The following SH3TC2 variants were observed in gnomAD, a reference collection of about 807,000 sequenced individuals.
SH3TC2 encodes SH3 domain and tetratricopeptide repeats 2, also known as SH3 domain and tetratricopeptide repeat-containing protein 2.
A neutral mutation model predicts 124.5 loss-of-function variants in SH3TC2; 87 were observed. That is an observed-to-expected ratio of 0.70 (90% CI 0.59 to 0.84). The LOEUF is 0.84. SH3TC2 is among the 40% of genes least tolerant of loss of function. The probability of loss-of-function intolerance (pLI) is 0.00; values close to 1 mark genes in which losing one functional copy is unlikely to be tolerated. For synonymous variants in SH3TC2, 634 were observed against 628.5 expected (o/e 1.01, Z -0.13); for missense variants, 1,536 against 1,566.4 (o/e 0.98, Z 0.33).
chr5:149,026,605 AG>A lies in SH3TC2; in HGVS notation c.3019del (p.Leu1007TrpfsTer8). ...REMEGRLLESLGQLYRNLNTA... is the reference protein window; with the variant it reads ...REMEGRLLESXGQLYRNLNTA... ...ATTTAGGTTCCGATAAAGCTGCCCCAGGGACTCCAGCAGCCTCCCTTCCATC... is the reference window on the plus strand; with the variant it reads ...ATTTAGGTTCCGATAAAGCTGCCCCAGGACTCCAGCAGCCTCCCTTCCATC... On this transcript the variant is annotated frameshift_variant, in exon 12 of 17. Transcript: ENST00000515425. LOFTEE classifies it high-confidence loss of function. The A allele has an allele frequency of 6.2e-7, 1 of 1,614,192 alleles. No homozygotes were observed. The highest frequency in any genetic ancestry group is 8.5e-7 in the Non-Finnish European group (1 of 1,180,042).
rs1554121665 is a variant in SH3TC2, at chr5:149,027,754, G to A, written c.1978C>T (p.Gln660Ter). ...EEVLPFAERL[Q>*]LLSGHPPASE... ...GCAGGAGGGTGTCCAGAGAGGAGCT[G>A]CAGGCGCTCGGCAAAGGGCAGGACC... is the stretch of plus-strand genomic sequence containing the variant. The change falls in exon 11 of 17, where the codon CAG (glutamine) becomes TAG (stop). Residue 660 changes from glutamine (Q) to a stop codon, truncating the protein, a stop_gained. Transcript: ENST00000515425. LOFTEE classifies it high-confidence loss of function. 1.2e-6 allele frequency: 2 copies of A among 1,613,826 alleles called. No homozygotes were observed. The highest frequency in any genetic ancestry group is 2.2e-5 in the East Asian group (1 of 44,892).
In SH3TC2 at chr5:148,990,438, A is replaced by G. The variant is rs919585509; in HGVS notation, c.*14273T>C. On this transcript the variant is annotated 3_prime_UTR_variant, in exon 17 of 17. Coordinates refer to ENST00000515425, the MANE Select transcript of SH3TC2 (RefSeq NM_024577.4). The stretch of plus-strand genomic sequence containing the variant: ...TCACAGGAGAGGATTTGAGGGGAAG[A>G]CCAGGTTAACCTAAAGACAACCATG... Among the ~76,000 whole-genome samples the G allele has an allele frequency of 2.6e-5, 4 of 152,254 alleles. No individual in the cohort carries two copies. Among genetic ancestry groups the G allele is most frequent in the African/African-American group, 9.6e-5 (4 of 41,536 alleles).
At chr5:149,047,592 G>T in intron 3 of SH3TC2, 1 of 435,684 alleles carries the variant, frequency 2.3e-6, no homozygotes, top group South Asian at 2.1e-5. Flanking sequence ...TATAGGTTAA[G>T]TAACTTGTCA....
intron 2 of SH3TC2, among the ~76,000 whole-genome samples, chr5:149,049,814 T>G (rs1754527034): frequency 6.6e-6 from 1 of 151,634 alleles, no homozygotes; most frequent in Non-Finnish European, 1.5e-5. Context: ...CTAAATAACA[T>G]CGTGGATATA....
chr5:149,016,652 G>A lies in SH3TC2; in HGVS notation c.3054-3918C>T, dbSNP rs568294893. 1.3e-3 allele frequency among the ~76,000 whole-genome samples: 196 copies of A among 152,278 alleles called. 1 individual carries two copies. The highest frequency in any genetic ancestry group is 2.0e-3 in the Non-Finnish European group (134 of 68,028). On this transcript the variant is annotated intron_variant, in intron 12 of 16. Transcript: ENST00000515425. ...TAAGAATAAAAGCCAGACGGCTGGC[G>A]CGGTGGCTCATGCCTGTAATCCCAG...
intron 8 of SH3TC2, among the ~76,000 whole-genome samples, chr5:149,036,568 T>C (rs1385200680): frequency 3.0e-4 from 45 of 152,162 alleles, no homozygotes; most frequent in Admixed American, 2.9e-3. Flanking sequence ...GGATTTAAAA[T>C]CACCAGGACA....
chr5:149,001,288 G>A lies in SH3TC2; in HGVS notation c.*3423C>T, dbSNP rs1753593482. ...GGATTTCAGAATGTTAATACTGTTG[G>A]ACAGGGAACTAGTATACCTGAAAGC... On this transcript the variant is annotated 3_prime_UTR_variant, in exon 17 of 17. Coordinates refer to ENST00000515425, the MANE Select transcript of SH3TC2 (RefSeq NM_024577.4). 1 of 152,132 alleles carries A rather than the reference G, an allele frequency of 6.6e-6. No individual in the cohort carries two copies. The highest frequency in any genetic ancestry group is 2.4e-5 in the African/African-American group (1 of 41,416). 9.4% of individuals were successfully genotyped at this position (152,132 alleles called of 1,614,324 possible). A position where few individuals can be genotyped will look rare whatever the true frequency, so the allele number is the denominator to read the frequency against.
chr5:149,009,205 T>G (rs1328620128), intron 14 of SH3TC2, among the ~76,000 whole-genome samples: 2 of 152,164 alleles, frequency 1.3e-5, no homozygotes, highest in Admixed American at 1.3e-4. Flanking sequence ...GATCTTAAAG[T>G]AGAAGAAGTA....
rs74964033 is a variant in SH3TC2 at position 149,004,137 on chromosome 5, T to C, written c.*574A>G. The stretch of plus-strand genomic sequence containing the variant: ...TGAATCCAAGTCAGGTTTCGTGCAA[T>C]CCATCTGGCCATTCTGAGGCTGTGT... On this transcript the variant is annotated 3_prime_UTR_variant, in exon 17 of 17. Transcript: ENST00000515425. 5.5e-6 allele frequency: 1 copy of C among 181,524 alleles called. No homozygotes were observed. The highest frequency in any genetic ancestry group is 2.4e-5 in the African/African-American group (1 of 41,774). 11.2% of individuals were successfully genotyped at this position (181,524 alleles called of 1,614,324 possible). A position where few individuals can be genotyped will look rare whatever the true frequency, so the allele number is the denominator to read the frequency against.
Position 149,062,953 on chromosome 5 carries a change from G to C in SH3TC2, c.52+18C>G. 2 of 1,578,210 alleles carry C rather than the reference G, an allele frequency of 1.3e-6. No individual in the cohort carries two copies. The highest frequency in any genetic ancestry group is 1.7e-6 in the Non-Finnish European group (2 of 1,160,662). On this transcript the variant is annotated intron_variant, in intron 1 of 16. Transcript: ENST00000515425. ...ACTTTGGCCAAGCCACAGGCCAAGG[G>C]CCCCCTGGGAAACTCACCTGGGCCC...
Position 149,002,007 on chromosome 5 carries a change from G to C in SH3TC2, c.*2704C>G, listed in dbSNP as rs1753605794. ...ATGGAAGCCAAGGACAGATGTGGCT[G>C]CTGGGGAGAGGAAGAATCAAATTAA... On this transcript the variant is annotated 3_prime_UTR_variant, in exon 17 of 17. Transcript: ENST00000515425. 6.6e-6 allele frequency: 1 copy of C among 152,424 alleles called. No homozygotes were observed. Among genetic ancestry groups the C allele is most frequent in the Admixed American group, 6.5e-5 (1 of 15,294 alleles). 9.4% of individuals were successfully genotyped at this position (152,424 alleles called of 1,614,324 possible).
At chr5:149,006,542 C>T (rs1006006449) in intron 16 of SH3TC2, among the ~76,000 whole-genome samples, 3 of 152,028 alleles carry the variant, frequency 2.0e-5, no homozygotes, top group Admixed American at 6.5e-5. Flanking sequence ...GTTTTGGGGT[C>T]TTGTATATTT....
chr5:149,033,677 T>C (rs1389164073), intron 8 of SH3TC2, among the ~76,000 whole-genome samples: 1 of 152,204 alleles, frequency 6.6e-6, no homozygotes, highest in Non-Finnish European at 1.5e-5. Flanking sequence ...AAGAGCAGAT[T>C]GAAAAATTTC....
Position 149,047,971 on chromosome 5 carries a change from C to G in SH3TC2, c.170G>C (p.Cys57Ser). The G allele has an allele frequency of 6.2e-7, 1 of 1,614,036 alleles. No individual in the cohort carries two copies. The highest frequency in any genetic ancestry group is 8.5e-7 in the Non-Finnish European group (1 of 1,179,986). ...ACACCTCCTGGAGCGGCTCTTTACACAGAAGGAGAGTGTCAGGTCTTAAAG... is the reference window on the plus strand; with the variant it reads ...ACACCTCCTGGAGCGGCTCTTTACAGAGAAGGAGAGTGTCAGGTCTTAAAG... ...NINPDLTLSFCVKSRSRRCVN... is the reference protein window; with the variant it reads ...NINPDLTLSFSVKSRSRRCVN... Residue 57 changes from cysteine (C) to serine (S), a missense_variant, in exon 3 of 17, where the codon TGT (cysteine) becomes TCT (serine). Physicochemically the swap from Cys to Ser is moderately radical, Grantham distance 112. This residue lies in a region of SH3TC2 where 1,102 missense variants were observed against 1,098.6 expected (regional missense o/e 1.00). Coordinates refer to ENST00000515425, the MANE Select transcript of SH3TC2 (RefSeq NM_024577.4).
chr5:149,058,968 G>A (rs1754699204), intron 1 of SH3TC2, among the ~76,000 whole-genome samples: 1 of 152,182 alleles, frequency 6.6e-6, no homozygotes, highest in Non-Finnish European at 1.5e-5. Context: ...AAAATCCAGG[G>A]AGGTGAGTGT....
At position 148,997,059 on chromosome 5, in the gene SH3TC2, C is replaced by CAG. The variant is rs1033412097; in HGVS notation, c.*7650_*7651dup. ...TCTGTACATGAACATGGGCTCTTCC[C>CAG]AGGCTATTTGTTTTGCAACACATAT... On this transcript the variant is annotated 3_prime_UTR_variant, in exon 17 of 17. Transcript: ENST00000515425. 1.1e-4 allele frequency among the ~76,000 whole-genome samples: 16 copies of CAG among 152,184 alleles called. No homozygotes were observed. Among genetic ancestry groups the CAG allele is most frequent in the Admixed American group, 7.2e-4 (11 of 15,276 alleles).
intron 8 of SH3TC2, among the ~76,000 whole-genome samples, chr5:149,031,986 T>A (rs1754202349): frequency 6.6e-6 from 1 of 152,140 alleles, no homozygotes; most frequent in African/African-American, 2.4e-5. Context: ...AAGCCCCTTC[T>A]CTCAACCTCT....
intron 12 of SH3TC2, among the ~76,000 whole-genome samples, chr5:149,021,735 C>T (rs1753973060): frequency 6.6e-6 from 1 of 151,656 alleles, no homozygotes; most frequent in Non-Finnish European, 1.5e-5. Flanking sequence ...CTAAATAAAC[C>T]TATAACAACT....
rs1021059963 is a variant in SH3TC2, at chr5:148,997,286, T to C, written c.*7425A>G. 1.1e-4 allele frequency among the ~76,000 whole-genome samples: 16 copies of C among 152,308 alleles called. No individual in the cohort carries two copies. Among genetic ancestry groups the C allele is most frequent in the African/African-American group, 3.6e-4 (15 of 41,582 alleles). ...ATTGGCTCTGGAGTCTCTTGCAAGT[T>C]TCCCTCATTCACCTCACTCCCAACC... is the stretch of plus-strand genomic sequence containing the variant. On this transcript the variant is annotated 3_prime_UTR_variant, in exon 17 of 17. Coordinates refer to ENST00000515425, the MANE Select transcript of SH3TC2 (RefSeq NM_024577.4).
Sources: allele counts gnomAD v4.1 joint callset (sites outside exome capture counted in the v4.1 genomes callset), GRCh38; gene constraint gnomAD v4.1.1; regional missense constraint gnomAD v4.1.1; transcripts MANE v1.5; gene names NCBI Gene and HGNC (gene_info 2026-07-23, HGNC 2026-07-21).